Variants in LIN28B observed in about 807,000 individuals in gnomAD.
The protein encoded by LIN28B is protein lin-28 homolog B.
LIN28B carries 5 observed loss-of-function variants against 21.9 expected under a neutral mutation model. The ratio of observed to expected loss-of-function variants is 0.23; its 90% CI spans 0.12 to 0.48. LIN28B has a LOEUF of 0.48. LIN28B is among the 20% of genes least tolerant of loss of function. The probability of loss-of-function intolerance (pLI) is 0.98; values close to 1 mark genes in which losing one functional copy is unlikely to be tolerated. For missense variants in LIN28B, 245 were observed against 310.5 expected (o/e 0.79, Z 1.58); for synonymous variants, 109 against 111.3 (o/e 0.98, Z 0.13).
chr6:104,948,695 A>T (rs1354150830), intron 2 of LIN28B, among the ~76,000 whole-genome samples: 1 of 152,188 alleles, frequency 6.6e-6, no homozygotes, highest in Admixed American at 6.5e-5. Flanking sequence ...ATACATGATA[A>T]TATCTACATT....
rs763907032 is a variant in LIN28B, at chr6:105,078,690, G to A, written c.660G>A (p.Arg220=). 1.5e-5 allele frequency: 24 copies of A among 1,614,104 alleles called. No individual in the cohort carries two copies. Among genetic ancestry groups the A allele is most frequent in the Non-Finnish European group, 1.7e-5 (20 of 1,180,026 alleles). ...ARAEISERSG[R]SPQEASSTKS... is the part of the protein sequence containing the mutation. ...CAGAGATCTCAGAACGGTCAGGCAGGTCACCTCAAGAAGCTTCCTCCACGA... is the reference window on the plus strand; with the variant it reads ...CAGAGATCTCAGAACGGTCAGGCAGATCACCTCAAGAAGCTTCCTCCACGA... Residue 220 remains arginine, a synonymous_variant, in exon 4 of 4, where the codon AGG becomes AGA. Coordinates refer to ENST00000345080, the MANE Select transcript of LIN28B (RefSeq NM_001004317.4).
chr6:104,996,305 G>T (rs1225114580), intron 2 of LIN28B, among the ~76,000 whole-genome samples: 1 of 152,190 alleles, frequency 6.6e-6, no homozygotes, highest in Non-Finnish European at 1.5e-5. Context: ...AGCCAGAAGA[G>T]GGGAGTGTTT....
At chr6:105,040,718 TAAAA>T (rs1167307280) in intron 3 of LIN28B, among the ~76,000 whole-genome samples, 1 of 152,012 alleles carries the variant, frequency 6.6e-6, no homozygotes, top group Non-Finnish European at 1.5e-5. Context: ...ATTTTGTAGT[TAAAA>T]AAATTGTCCA....
chr6:104,953,748 G>A (rs1778250194), upstream of LIN28B, among the ~76,000 whole-genome samples: 1 of 152,238 alleles, frequency 6.6e-6, no homozygotes, highest in South Asian at 2.1e-4. Flanking sequence ...GACCTGCCTG[G>A]AGAGGCGGGT....
intron 3 of LIN28B, among the ~76,000 whole-genome samples, chr6:105,041,991 T>C (rs1032409839): frequency 7.2e-5 from 11 of 152,186 alleles, no homozygotes; most frequent in Non-Finnish European, 1.5e-4. Flanking sequence ...TCAATCCTAG[T>C]GCCAAGAGGG....
chr6:104,983,412 G>A (rs1770267347), intron 2 of LIN28B, among the ~76,000 whole-genome samples: 3 of 152,208 alleles, frequency 2.0e-5, no homozygotes, highest in South Asian at 2.1e-4. Context: ...TACTAGTAGC[G>A]TCTGGGAATG....
chr6:104,950,763 A>C (rs896676455), intron 3 of LIN28B, among the ~76,000 whole-genome samples: 3 of 150,434 alleles, frequency 2.0e-5, no homozygotes, highest in Non-Finnish European at 4.4e-5. Context: ...GCAGTATTGT[A>C]TTTTGTGATT....
chr6:105,025,574 T>C (rs1334200587), intron 2 of LIN28B, among the ~76,000 whole-genome samples: 2 of 152,132 alleles, frequency 1.3e-5, no homozygotes, highest in Non-Finnish European at 2.9e-5. Flanking sequence ...AGAAAACGAC[T>C]CTTTAGTGTC....
upstream of LIN28B, among the ~76,000 whole-genome samples, chr6:104,953,917 A>C (rs1208998288): frequency 6.6e-6 from 1 of 152,206 alleles, no homozygotes; most frequent in African/African-American, 2.4e-5. Flanking sequence ...TTATAATTGA[A>C]AACAACGACG....
chr6:105,022,602 T>G (rs1771162319), intron 2 of LIN28B, among the ~76,000 whole-genome samples: 1 of 152,110 alleles, frequency 6.6e-6, no homozygotes, highest in Admixed American at 6.5e-5. Flanking sequence ...ATTGGAGGTC[T>G]TACTGACTCA....
rs577513235 is a variant in LIN28B, at chr6:105,034,283, AG to A, written c.383+7802del. 3.1e-4 allele frequency among the ~76,000 whole-genome samples: 47 copies of A among 152,048 alleles called. No homozygotes were observed. In the South Asian group the frequency reaches 8.7e-3, roughly 28 times the overall value. On this transcript the variant is annotated intron_variant, in intron 3 of 3. Transcript: ENST00000345080. Reference sequence around the variant, plus strand: ...CAAGAAGTGTCATTCATAATAATGCAGTGTTGACTTGAATTTTTAAAAATAA... The same window carrying A: ...CAAGAAGTGTCATTCATAATAATGCATGTTGACTTGAATTTTTAAAAATAA...
chr6:104,941,278 G>A (rs1400677751), intron 2 of LIN28B: 1 of 152,194 alleles, frequency 6.6e-6, no homozygotes, highest in South Asian at 2.1e-4. Flanking sequence ...TATTGCCCCG[G>A]TGCTGCCGCT....
rs1772526676 is a variant in LIN28B, at chr6:105,080,593, A to AT, written c.*1811dup. Reference sequence around the variant, plus strand: ...TACACTGAAATATCGGTGTGCTGTGATGCAAAGCTTACCTTTGACGATATT... The same window carrying AT: ...TACACTGAAATATCGGTGTGCTGTGATTGCAAAGCTTACCTTTGACGATATT... On this transcript the variant is annotated 3_prime_UTR_variant, in exon 4 of 4. Coordinates refer to ENST00000345080, the MANE Select transcript of LIN28B (RefSeq NM_001004317.4). 6.6e-6 allele frequency: 1 copy of AT among 152,638 alleles called. No homozygotes were observed. The highest frequency in any genetic ancestry group is 1.5e-5 in the Non-Finnish European group (1 of 68,044). 9.5% of individuals were successfully genotyped at this position (152,638 alleles called of 1,614,324 possible).
intron 3 of LIN28B, among the ~76,000 whole-genome samples, chr6:105,055,345 T>C (rs986753000): frequency 2.0e-5 from 3 of 152,162 alleles, no homozygotes; most frequent in Non-Finnish European, 4.4e-5. Flanking sequence ...AATAACAGTA[T>C]CTTAAACATA....
intron 2 of LIN28B, among the ~76,000 whole-genome samples, chr6:104,976,813 A>AG (rs1770105242): frequency 6.6e-6 from 1 of 152,170 alleles, no homozygotes; most frequent in Non-Finnish European, 1.5e-5. Flanking sequence ...GCAAAAGGGA[A>AG]GGAGGTGGAA....
At chr6:105,007,285 ATTGAATTTATTATTCAAAACAG>A (rs1178056455) in intron 2 of LIN28B, among the ~76,000 whole-genome samples, 10 of 152,224 alleles carry the variant, frequency 6.6e-5, no homozygotes, top group African/African-American at 1.9e-4. Flanking sequence ...ATTCAAAACA[ATTGAATTTATTATTCAAAACAG>A]TTGAATTTAT....
At chr6:104,971,355 T>G (rs1562076579) in intron 2 of LIN28B, among the ~76,000 whole-genome samples, 1 of 152,156 alleles carries the variant, frequency 6.6e-6, no homozygotes, top group African/African-American at 2.4e-5. Context: ...TTTTCAGTCT[T>G]ATAGATCTTA....
In LIN28B at chr6:104,958,110, A is replaced by C. The variant is rs780825868; in HGVS notation, c.22A>C (p.Lys8Gln). 1.9e-6 allele frequency: 3 copies of C among 1,587,890 alleles called. No homozygotes were observed. The highest frequency in any genetic ancestry group is 2.6e-6 in the Non-Finnish European group (3 of 1,161,730). MAEGGAS[K>Q]GGGEEPGKLP... is the part of the protein sequence containing the mutation. ...CTGTTCCTTCTCAGGCGGGGCTAGC[A>C]AAGGTGGTGGAGAAGAGCCCGGGAA... The change falls in exon 2 of 4, where the codon AAA becomes CAA. Residue 8 changes from lysine (K) to glutamine (Q), a missense_variant. Lys to Gln is a moderately conservative substitution (Grantham distance 53, BLOSUM62 1). Coordinates refer to ENST00000345080, the MANE Select transcript of LIN28B (RefSeq NM_001004317.4).
chr6:105,014,899 T>G (rs891531519), intron 2 of LIN28B, among the ~76,000 whole-genome samples: 1 of 152,048 alleles, frequency 6.6e-6, no homozygotes, highest in Non-Finnish European at 1.5e-5. Flanking sequence ...CCCGTGATTT[T>G]TTTTTTGCAT....
Sources: gnomAD v4.1 joint callset for allele counts (sites outside exome capture counted in the v4.1 genomes callset) on GRCh38, gnomAD v4.1.1 for gene constraint, MANE v1.5 for transcripts, NCBI Gene and HGNC (gene_info 2026-07-23, HGNC 2026-07-21) for gene names.